The following YPEL2 variants were observed in gnomAD, a reference collection of about 807,000 sequenced individuals.
YPEL2 encodes yippee like 2.
YPEL2 carries 2 observed loss-of-function variants against 19.1 expected under a neutral mutation model. That is an observed-to-expected ratio of 0.10 (90% CI 0.04 to 0.33). The LOEUF is 0.33. Ranked by LOEUF, YPEL2 falls within the 10% of genes least tolerant of loss-of-function variation. The pLI is 1.00. For synonymous variants in YPEL2, 52 were observed against 50.0 expected (o/e 1.04, Z -0.17); for missense variants, 66 against 140.7 (o/e 0.47, Z 2.68).
intron 1 of YPEL2, among the ~76,000 whole-genome samples, chr17:59,338,582 G>GGTGTGAATA (rs1163427969): frequency 6.6e-6 from 1 of 152,298 alleles, no homozygotes; most frequent in East Asian, 1.9e-4. Flanking sequence ...GAGGCACTGA[G>GGTGTGAATA]GTGTGAATAT....
chr17:59,347,928 T>C (rs2047764990), intron 1 of YPEL2, among the ~76,000 whole-genome samples: 1 of 152,162 alleles, frequency 6.6e-6, no homozygotes, highest in Non-Finnish European at 1.5e-5. Flanking sequence ...TTTCTTTTTC[T>C]TTCTTTTTTT....
intron 1 of YPEL2, among the ~76,000 whole-genome samples, chr17:59,340,730 T>C (rs563639639): frequency 3.2e-4 from 47 of 147,108 alleles, no homozygotes; most frequent in East Asian, 1.6e-3. Context: ...TTTTTTTTTT[T>C]GAAATGGCGA....
chr17:59,375,514 G>T (rs924239249), intron 2 of YPEL2, among the ~76,000 whole-genome samples: 1 of 152,086 alleles, frequency 6.6e-6, no homozygotes, highest in Admixed American at 6.6e-5. Context: ...CTGTTTTTAG[G>T]CTGGGACTCA....
At chr17:59,392,667 C>T (rs1273013876) in intron 4 of YPEL2, among the ~76,000 whole-genome samples, 1 of 152,008 alleles carries the variant, frequency 6.6e-6, no homozygotes, top group Non-Finnish European at 1.5e-5. Context: ...TGCGCCACCA[C>T]GCCCAGCTAA....
At chr17:59,348,320 C>G (rs190225320) in intron 1 of YPEL2, among the ~76,000 whole-genome samples, 1 of 152,224 alleles carries the variant, frequency 6.6e-6, no homozygotes, top group Non-Finnish European at 1.5e-5. Flanking sequence ...TTCCGTGGCT[C>G]GGCATGTGGT....
At chr17:59,395,190 T>G (rs1029984425) in intron 4 of YPEL2, among the ~76,000 whole-genome samples, 1 of 151,108 alleles carries the variant, frequency 6.6e-6, no homozygotes, top group South Asian at 2.1e-4. Flanking sequence ...CAAAACACAT[T>G]GCTCTGTCAT....
intron 2 of YPEL2, among the ~76,000 whole-genome samples, chr17:59,382,833 A>AG (rs2047956572): frequency 6.6e-6 from 1 of 152,164 alleles, no homozygotes; most frequent in Non-Finnish European, 1.5e-5. Context: ...TGTAGAGATG[A>AG]GGTCTCACTG....
At chr17:59,361,023 G>A (rs1048899666) in intron 2 of YPEL2, among the ~76,000 whole-genome samples, 4 of 152,212 alleles carry the variant, frequency 2.6e-5, no homozygotes, top group South Asian at 2.1e-4. Flanking sequence ...GTAGAGATGA[G>A]GTTTCACTGT....
At chr17:59,352,440 G>C (rs2147939846) in intron 1 of YPEL2, among the ~76,000 whole-genome samples, 1 of 152,298 alleles carries the variant, frequency 6.6e-6, no homozygotes, top group South Asian at 2.1e-4. Context: ...AAGATGTATG[G>C]TCCTATGGGA....
intron 2 of YPEL2, among the ~76,000 whole-genome samples, chr17:59,376,404 A>T (rs1304140181): frequency 2.6e-5 from 4 of 152,144 alleles, no homozygotes; most frequent in Non-Finnish European, 4.4e-5. Context: ...TTTTTGATAG[A>T]GACGGGGTTT....
chr17:59,376,977 A>G (rs867699845), intron 2 of YPEL2, among the ~76,000 whole-genome samples: 2 of 133,892 alleles, frequency 1.5e-5, no homozygotes, highest in African/African-American at 6.0e-5. Context: ...AAAAAAAAAC[A>G]AAGAAAAAGG....
intron 2 of YPEL2, among the ~76,000 whole-genome samples, chr17:59,383,491 G>A (rs1314346939): frequency 2.1e-5 from 3 of 141,690 alleles, no homozygotes; most frequent in Non-Finnish European, 3.0e-5. Context: ...CCAGCTACTC[G>A]GGAGGCTGAG....
intron 1 of YPEL2, among the ~76,000 whole-genome samples, chr17:59,343,368 G>GT (rs1405302009): frequency 6.6e-6 from 1 of 151,990 alleles, no homozygotes; most frequent in Admixed American, 6.6e-5. Context: ...TGGGGGTGGG[G>GT]TTGGGGGGAT....
chr17:59,345,071 G>T (rs373974603), intron 1 of YPEL2: 1 of 152,282 alleles, frequency 6.6e-6, no homozygotes, highest in East Asian at 1.9e-4. Context: ...AATAGGGTTC[G>T]CACTCCTATG....
chr17:59,361,601 CAGAT>C lies in YPEL2; in HGVS notation c.117+8079_117+8082del, dbSNP rs528042612. On this transcript the variant is annotated intron_variant, in intron 2 of 4. Coordinates refer to ENST00000312655, the MANE Select transcript of YPEL2 (RefSeq NM_001005404.4). ...ATATTTGAGTGAATGACTTATTACT[CAGAT>C]AGAGATCTTTATCAGTGAGTTTCAA... is the stretch of plus-strand genomic sequence containing the variant. 8.1e-4 allele frequency among the ~76,000 whole-genome samples: 123 copies of C among 152,294 alleles called. 3 individuals are homozygous for C. In the South Asian group the frequency reaches 0.024, roughly 30 times the overall value.
At chr17:59,363,157 TATATAG>T (rs1423423325) in intron 2 of YPEL2, 12 of 151,474 alleles carry the variant, frequency 7.9e-5, no homozygotes, top group African/African-American at 2.9e-4. Context: ...TATAGATATA[TATATAG>T]AGAGAGAGAG....
At chr17:59,364,714 T>C (rs936726525) in intron 2 of YPEL2, among the ~76,000 whole-genome samples, 2 of 151,390 alleles carry the variant, frequency 1.3e-5, no homozygotes, top group Non-Finnish European at 1.5e-5. Flanking sequence ...ACCTCCCGAG[T>C]TGAAGCAATT....
chr17:59,392,499 CAG>C (rs1323403315), intron 4 of YPEL2, among the ~76,000 whole-genome samples: 1 of 146,794 alleles, frequency 6.8e-6, no homozygotes, highest in African/African-American at 2.6e-5. Context: ...TGTGCCAGCT[CAG>C]GGCACGTTTT....
At chr17:59,350,473 G>A (rs2047782318) in intron 1 of YPEL2, among the ~76,000 whole-genome samples, 1 of 152,198 alleles carries the variant, frequency 6.6e-6, no homozygotes, top group Admixed American at 6.5e-5. Context: ...AAGGCTTCTT[G>A]TCTAGGCCTT....
Sources: gnomAD v4.1 joint callset for allele counts (sites outside exome capture counted in the v4.1 genomes callset) on GRCh38, gnomAD v4.1.1 for gene constraint, MANE v1.5 for transcripts, NCBI Gene and HGNC (gene_info 2026-07-23, HGNC 2026-07-21) for gene names.